Variants in DNAJA3 observed in about 807,000 individuals in gnomAD.
DNAJA3 encodes DnaJ heat shock protein family (Hsp40) member A3, also known as dnaJ homolog subfamily A member 3, mitochondrial.
DNAJA3 carries 29 observed loss-of-function variants against 54.9 expected under a neutral mutation model. The observed-to-expected ratio is 0.53, with a 90% CI of 0.39 to 0.72. The LOEUF is 0.72. Ranked by LOEUF, DNAJA3 falls within the 30% of genes least tolerant of loss-of-function variation. The probability of loss-of-function intolerance (pLI) is 0.00; values close to 1 mark genes in which losing one functional copy is unlikely to be tolerated. For synonymous variants in DNAJA3, 302 were observed against 251.4 expected, an observed-to-expected ratio of 1.20 and a Z score of -1.90; for missense variants, 708 against 639.4, an observed-to-expected ratio of 1.11 and a Z score of -1.16.
chr16:4,444,651 A>G lies in DNAJA3; in HGVS notation c.932-13A>G, dbSNP rs2056881113. 2 of 1,613,384 alleles carry G rather than the reference A, an allele frequency of 1.2e-6. No homozygotes were observed. The highest frequency in any genetic ancestry group is 1.7e-6 in the Non-Finnish European group (2 of 1,179,604). ...GTCCTGCCTAACTTCTCCCTTTCTA[A>G]TGTCCCTTGTAGGAGTCGAGGATGG... On this transcript the variant is annotated splice_polypyrimidine_tract_variant and intron_variant, in intron 6 of 11. Coordinates refer to ENST00000262375, the MANE Select transcript of DNAJA3 (RefSeq NM_005147.6).
chr16:4,451,962 C>T (rs1397412977), intron 10 of DNAJA3, among the ~76,000 whole-genome samples: 1 of 151,132 alleles, frequency 6.6e-6, no homozygotes, highest in Non-Finnish European at 1.5e-5. Flanking sequence ...CCCAGCTACT[C>T]TGGAGGCTGA....
chr16:4,446,430 G>A (rs148468762), intron 7 of DNAJA3, among the ~76,000 whole-genome samples: 20 of 150,696 alleles, frequency 1.3e-4, no homozygotes, highest in African/African-American at 4.9e-4. Context: ...TTTTAGTAGA[G>A]ACAAGGTTTC....
At chr16:4,438,364 C>T (rs1397414282) in intron 3 of DNAJA3, among the ~76,000 whole-genome samples, 6 of 152,024 alleles carry the variant, frequency 3.9e-5, no homozygotes, top group African/African-American at 1.4e-4. Context: ...TAATAAAGTT[C>T]CCCAGGTAAT....
chr16:4,442,247 G>GC (rs1375596331), intron 4 of DNAJA3, 21 bp from the exon 5 acceptor site: 3 of 1,551,610 alleles, frequency 1.9e-6, no homozygotes, highest in South Asian at 2.4e-5. Flanking sequence ...AAGTTGACAG[G>GC]CTGTCCCTTG....
rs745607149 is a variant in DNAJA3 at position 4,434,477 on chromosome 16, G to A, written c.305G>A (p.Arg102Gln). 14 of 1,613,832 alleles carry A rather than the reference G, an allele frequency of 8.7e-6. No homozygotes were observed. In the Admixed American group the frequency reaches 1.0e-4, roughly 12 times the overall value. ...TATTATCAGATATTAGGAGTGCCTC[G>A]AAATGCCAGCCAGAAAGAGATCAAG... ...EDYYQILGVP[R>Q]NASQKEIKKA... The change falls in exon 2 of 12, where the codon CGA becomes CAA. Residue 102 changes from arginine to glutamine, a missense_variant. Transcript: ENST00000262375.
chr16:4,434,357 TGA>T, intron 1 of DNAJA3, 25 bp from the exon 2 acceptor site: 1 of 1,609,048 alleles, frequency 6.2e-7, no homozygotes, highest in Non-Finnish European at 8.5e-7. Context: ...ATTCCCAGAG[TGA>T]TTTTCTTTGT....
rs2056719577 is a variant in DNAJA3 at position 4,432,678 on chromosome 16, A to G, written c.212-1706A>G. ...CTTTTTAAACAGATTTCATCTATTA[A>G]AACACCTCCAGTCTGGGCGTGGTGG... is the stretch of plus-strand genomic sequence containing the variant. On this transcript the variant is annotated intron_variant, in intron 1 of 11. Transcript: ENST00000262375. Among the ~76,000 whole-genome samples the G allele has an allele frequency of 2.6e-5, 4 of 152,206 alleles. No homozygotes were observed. The South Asian group carries it at 8.3e-4, about 32-fold the overall frequency.
chr16:4,444,377 C>G (rs2056876707), intron 6 of DNAJA3, among the ~76,000 whole-genome samples: 1 of 147,250 alleles, frequency 6.8e-6, no homozygotes, highest in Non-Finnish European at 1.5e-5. Context: ...CGGAGTCTCG[C>G]TCTGTTGCCA....
In DNAJA3 at chr16:4,455,807, G is replaced by C; in HGVS notation, c.*275G>C. The C allele has an allele frequency of 1.7e-6, 1 of 589,070 alleles. No homozygotes were observed. Among genetic ancestry groups the C allele is most frequent in the South Asian group, 2.1e-5 (1 of 47,370 alleles). 36.5% of individuals were successfully genotyped at this position (589,070 alleles called of 1,614,324 possible). On this transcript the variant is annotated 3_prime_UTR_variant, in exon 12 of 12. Transcript: ENST00000262375. ...TAGGTGACGGCCCCTGGCTCAGGCAGAGGGAGATGGTTAGACTCTTGCAGG... is the reference window on the plus strand; with the variant it reads ...TAGGTGACGGCCCCTGGCTCAGGCACAGGGAGATGGTTAGACTCTTGCAGG...
At chr16:4,442,176 T>C in intron 4 of DNAJA3, 92 bp from the exon 5 acceptor site, 2 of 1,326,150 alleles carry the variant, frequency 1.5e-6, no homozygotes, top group South Asian at 3.4e-5. Flanking sequence ...TGACTGAAAA[T>C]GTGGGCCAGT....
intron 10 of DNAJA3, among the ~76,000 whole-genome samples, chr16:4,453,443 T>G (rs1179413738): frequency 2.0e-5 from 3 of 151,756 alleles, no homozygotes; most frequent in Non-Finnish European, 4.4e-5. Flanking sequence ...CTTTTTTTTT[T>G]TTTCTTTTTT....
chr16:4,428,882 A>ATTT (rs766170292), intron 1 of DNAJA3, among the ~76,000 whole-genome samples: 275 of 108,438 alleles, frequency 2.5e-3, no homozygotes, highest in African/African-American at 4.4e-3. Context: ...CTACAAAAAG[A>ATTT]TTTTTTTTTT....
At chr16:4,448,912 C>G (rs1178792583) in intron 9 of DNAJA3, 64 bp downstream of exon 9, 2 of 1,293,304 alleles carry the variant, frequency 1.5e-6, no homozygotes, top group African/African-American at 2.9e-5. Flanking sequence ...CCTTGGAGCT[C>G]TGTGGCTTGG....
chr16:4,437,556 C>G lies in DNAJA3; in HGVS notation c.429+71C>G, dbSNP rs181166146. 2.4e-4 allele frequency: 297 copies of G among 1,255,140 alleles called. 2 individuals carry two copies. In the East Asian group the frequency reaches 5.1e-3, roughly 21 times the overall value. 77.8% of individuals were successfully genotyped at this position (1,255,140 alleles called of 1,614,324 possible). On this transcript the variant is annotated intron_variant, in intron 3 of 11. Coordinates refer to ENST00000262375, the MANE Select transcript of DNAJA3 (RefSeq NM_005147.6). ...TATGAATCAAAGGTTGCATTGCTAC[C>G]TGGGACAGCCTGGTGTGTCATACAG... is the stretch of plus-strand genomic sequence containing the variant.
At chr16:4,443,288 T>A in intron 6 of DNAJA3, 124 bp downstream of exon 6, 1 of 1,268,760 alleles carries the variant, frequency 7.9e-7, no homozygotes, top group Non-Finnish European at 1.1e-6. Context: ...GGGCTCTTGG[T>A]AGAAGTTATG....
intron 2 of DNAJA3, among the ~76,000 whole-genome samples, chr16:4,435,306 C>G (rs1054262615): frequency 1.6e-4 from 25 of 152,014 alleles, no homozygotes; most frequent in African/African-American, 5.6e-4. Context: ...CCACTGGTTC[C>G]TAGACCCTTG....
At chr16:4,434,139 C>G (rs1431037961) in intron 1 of DNAJA3, 1 of 471,946 alleles carries the variant, frequency 2.1e-6, no homozygotes, top group Non-Finnish European at 3.7e-6. Context: ...CTCATGAGAA[C>G]TTACTATCGC....
intron 1 of DNAJA3, chr16:4,433,996 T>C (rs1265280144): frequency 8.5e-6 from 2 of 235,470 alleles, no homozygotes; most frequent in Non-Finnish European, 1.7e-5. Flanking sequence ...GGAAAGAGGT[T>C]TATTTAACTC....
intron 7 of DNAJA3, among the ~76,000 whole-genome samples, chr16:4,446,242 AT>A (rs751454752): frequency 0.018 from 2,194 of 119,688 alleles, 26 homozygotes; most frequent in African/African-American, 0.054. Flanking sequence ...ATAAAGTAAG[AT>A]TTTTTTTTTT....
Sources: gnomAD v4.1 joint callset for allele counts (sites outside exome capture counted in the v4.1 genomes callset) on GRCh38, gnomAD v4.1.1 for gene constraint, MANE v1.5 for transcripts, NCBI Gene and HGNC (gene_info 2026-07-23, HGNC 2026-07-21) for gene names.